LRBA: variants seen among roughly 807,000 people sequenced by gnomAD.
The protein encoded by LRBA is lipopolysaccharide-responsive and beige-like anchor protein.
In LRBA, 176 loss-of-function variants were observed where a neutral mutation model predicts 330.0. The observed-to-expected ratio is 0.53, with a 90% CI of 0.47 to 0.60. LRBA has a LOEUF of 0.60. Among genes scored for constraint, LRBA ranks in the 20% least tolerant of loss-of-function variants. The pLI, the probability that LRBA is intolerant of heterozygous loss-of-function variation, is 0.00. For synonymous variants in LRBA, 1,230 were observed against 1,193.0 expected, an observed-to-expected ratio of 1.03 and a Z score of -0.64; for missense variants, 3,259 against 3,444.8, an observed-to-expected ratio of 0.95 and a Z score of 1.35.
intron 33 of LRBA, among the ~76,000 whole-genome samples, chr4:150,798,491 G>A (rs1266714397): frequency 6.6e-6 from 1 of 152,072 alleles, no homozygotes; most frequent in Non-Finnish European, 1.5e-5. Context: ...ATGCAGAGAA[G>A]GGAAATGGCT....
chr4:150,828,531 A>G lies in LRBA; in HGVS notation c.4820T>C (p.Ile1607Thr), dbSNP rs935267881. 6 of 1,613,956 alleles carry G rather than the reference A, an allele frequency of 3.7e-6. No individual in the cohort carries two copies. In the African/African-American group the frequency reaches 4.0e-5, roughly 11 times the overall value. ...TSSARRRDSG[I>T]GEETATGLGS... ...TAAACCAGTGGCTGTTTCTTCCCCA[A>G]TGCCTGAGTCCCTCCTTCGAGCAGA... Residue 1607 changes from isoleucine (I) to threonine (T), a missense_variant, in exon 30 of 57, where the codon ATT (isoleucine) becomes ACT (threonine). Transcript: ENST00000651943.
At chr4:150,591,960 C>A (rs1772895524) in intron 38 of LRBA, among the ~76,000 whole-genome samples, 1 of 152,050 alleles carries the variant, frequency 6.6e-6, no homozygotes, top group Admixed American at 6.5e-5. Context: ...ATGCTAACTT[C>A]TAAATTGTGA....
chr4:150,315,612 C>T lies in LRBA; in HGVS notation c.7642G>A (p.Ala2548Thr), dbSNP rs780327383. The T allele has an allele frequency of 1.3e-5, 20 of 1,582,942 alleles. No homozygotes were observed. The East Asian group carries it at 4.1e-4, about 32-fold the overall frequency. The change falls in exon 51 of 57, where the codon GCT becomes ACT. Residue 2548 changes from alanine to threonine, a missense_variant. Transcript: ENST00000651943. ...KWHNLPAHQG[A>T]VQDQPYQLPV... Reference sequence around the variant, plus strand: ...AGCTGGTATGGCTGGTCTTGTACAGCACCTTGATGAGCTGGAATTCACAAA... The same window carrying T: ...AGCTGGTATGGCTGGTCTTGTACAGTACCTTGATGAGCTGGAATTCACAAA...
chr4:150,360,308 T>G (rs1254787277), intron 47 of LRBA, among the ~76,000 whole-genome samples: 1 of 151,014 alleles, frequency 6.6e-6, no homozygotes, highest in Non-Finnish European at 1.5e-5. Context: ...TAGCCACATT[T>G]TAAAAAGTAA....
intron 37 of LRBA, among the ~76,000 whole-genome samples, chr4:150,675,402 C>T (rs543513882): frequency 2.0e-5 from 3 of 152,156 alleles, no homozygotes; most frequent in East Asian, 1.9e-4. Context: ...TTTTAAGATA[C>T]GATGAGATAA....
At chr4:150,901,742 A>T (rs1730750328) in intron 13 of LRBA, among the ~76,000 whole-genome samples, 2 of 152,250 alleles carry the variant, frequency 1.3e-5, no homozygotes, top group South Asian at 4.1e-4. Context: ...GGCTTGGAAG[A>T]TCATTATAAT....
In LRBA at chr4:150,302,676, A is replaced by G; in HGVS notation, c.7966T>C (p.Leu2656=). The G allele has an allele frequency of 6.2e-7, 1 of 1,612,994 alleles. No homozygotes were observed. The highest frequency in any genetic ancestry group is 8.5e-7 in the Non-Finnish European group (1 of 1,179,334). The change falls in exon 53 of 57, where the codon TTG becomes CTG. Residue 2656 remains leucine (L), a synonymous_variant. Transcript: ENST00000651943. ...ILSGSRDATL[L]LWYWNGKCSG... is the part of the protein sequence containing the mutation. The stretch of plus-strand genomic sequence containing the variant: ...CATTTTCCATTCCAATACCACAGCA[A>G]AAGAGTTGCATCACGTGACCCTGAG...
At chr4:150,997,674 T>G (rs898465300) in intron 2 of LRBA, among the ~76,000 whole-genome samples, 1 of 152,114 alleles carries the variant, frequency 6.6e-6, no homozygotes, top group Admixed American at 6.6e-5. Context: ...CTCCTTTATA[T>G]TATCCTAAAA....
At chr4:150,745,247 T>C (rs544194021) in intron 35 of LRBA, among the ~76,000 whole-genome samples, 2 of 152,308 alleles carry the variant, frequency 1.3e-5, no homozygotes, top group South Asian at 2.1e-4. Flanking sequence ...AACTGTAGGA[T>C]AGTAAACATA....
At chr4:150,886,913 C>G (rs1394851871) in intron 17 of LRBA, among the ~76,000 whole-genome samples, 1 of 152,028 alleles carries the variant, frequency 6.6e-6, no homozygotes, top group Non-Finnish European at 1.5e-5. Flanking sequence ...ACTTATCACA[C>G]AAAGACTTTA....
At chr4:150,724,736 A>T (rs942135986) in intron 36 of LRBA, among the ~76,000 whole-genome samples, 9 of 149,956 alleles carry the variant, frequency 6.0e-5, no homozygotes, top group African/African-American at 2.2e-4. Flanking sequence ...AAAGGATTAA[A>T]TTTTTTTTTT....
At chr4:150,975,251 A>G (rs1740017508) in intron 2 of LRBA, among the ~76,000 whole-genome samples, 1 of 152,242 alleles carries the variant, frequency 6.6e-6, no homozygotes. Context: ...TAAAGTAGCC[A>G]GGCACAGTGG....
chr4:150,814,853 C>T (rs993912103), intron 31 of LRBA, among the ~76,000 whole-genome samples: 3 of 151,884 alleles, frequency 2.0e-5, no homozygotes, highest in Admixed American at 1.3e-4. Context: ...TTTTATAATT[C>T]TGCATACAGT....
At chr4:150,624,237 G>A (rs1776601875) in intron 37 of LRBA, among the ~76,000 whole-genome samples, 1 of 149,900 alleles carries the variant, frequency 6.7e-6, no homozygotes, top group Non-Finnish European at 1.5e-5. Flanking sequence ...CAAACAATTT[G>A]AATTCAGAAT....
intron 39 of LRBA, 80 bp downstream of exon 39, chr4:150,590,633 G>T: frequency 7.8e-7 from 1 of 1,283,232 alleles, no homozygotes; most frequent in Non-Finnish European, 1.1e-6. Context: ...TAGTCCTAGT[G>T]GTCACAGCTG....
intron 37 of LRBA, among the ~76,000 whole-genome samples, chr4:150,653,537 C>G (rs965639567): frequency 5.3e-5 from 8 of 152,132 alleles, no homozygotes; most frequent in African/African-American, 1.9e-4. Context: ...CCCAATCAAG[C>G]CAATTATTTT....
intron 2 of LRBA, among the ~76,000 whole-genome samples, chr4:150,945,410 G>GC (rs1044792857): frequency 2.0e-5 from 3 of 152,192 alleles, no homozygotes; most frequent in African/African-American, 7.2e-5. Flanking sequence ...GTGCTGGCAT[G>GC]CCACGATGTT....
intron 36 of LRBA, among the ~76,000 whole-genome samples, chr4:150,686,346 C>T (rs4696220): frequency 0.87 from 133,081 of 152,204 alleles, 58,575 homozygotes; most frequent in Non-Finnish European, 0.94. Flanking sequence ...AAATTTCATA[C>T]GCTATATTTT....
At chr4:150,953,987 G>A (rs4460289) in intron 2 of LRBA, among the ~76,000 whole-genome samples, 19 of 84,460 alleles carry the variant, frequency 2.2e-4, no homozygotes, top group Middle Eastern at 6.0e-3. Context: ...CCGTCTGGGA[G>A]GTAAGGAGCG....
Sources: gnomAD v4.1 joint callset for allele counts (sites outside exome capture counted in the v4.1 genomes callset) on GRCh38, gnomAD v4.1.1 for gene constraint, MANE v1.5 for transcripts, NCBI Gene and HGNC (gene_info 2026-07-23, HGNC 2026-07-21) for gene names.